The following ANO4 variants were observed in gnomAD, a reference collection of about 807,000 sequenced individuals.
ANO4 encodes the protein anoctamin 4.
A neutral mutation model predicts 141.9 loss-of-function variants in ANO4; 69 were observed. The ratio of observed to expected loss-of-function variants is 0.49; its 90% CI spans 0.40 to 0.59. The LOEUF (loss-of-function observed/expected upper bound fraction) is 0.59. Ranked by LOEUF, ANO4 falls within the 20% of genes least tolerant of loss-of-function variation. ANO4 has a pLI of 0.00. For synonymous variants in ANO4, 350 were observed against 394.3 expected (o/e 0.89, Z 1.33); for missense variants, 894 against 1,162.2 (o/e 0.77, Z 3.36).
intron 9 of ANO4, among the ~76,000 whole-genome samples, chr12:101,020,782 C>T (rs2046493318): frequency 6.6e-6 from 1 of 152,120 alleles, no homozygotes; most frequent in Non-Finnish European, 1.5e-5. Flanking sequence ...AGAATGTGTC[C>T]ATATTATATT....
At chr12:100,980,086 A>G (rs547684193) in intron 7 of ANO4, among the ~76,000 whole-genome samples, 1 of 152,194 alleles carries the variant, frequency 6.6e-6, no homozygotes, top group Admixed American at 6.5e-5. Flanking sequence ...ACAAAACACT[A>G]GTCTTTGGGC....
At chr12:101,090,555 A>T (rs2049723212) in intron 17 of ANO4, among the ~76,000 whole-genome samples, 1 of 152,152 alleles carries the variant, frequency 6.6e-6, no homozygotes, top group African/African-American at 2.4e-5. Context: ...CAATAAGAAC[A>T]CATGGACACA....
At chr12:101,081,278 G>A (rs1241334146) in intron 15 of ANO4, among the ~76,000 whole-genome samples, 1 of 152,070 alleles carries the variant, frequency 6.6e-6, no homozygotes, top group Non-Finnish European at 1.5e-5. Context: ...GAAAAGAAGT[G>A]GGACTAAATT....
chr12:100,875,095 A>G (rs997968366), intron 1 of ANO4, among the ~76,000 whole-genome samples: 4 of 152,236 alleles, frequency 2.6e-5, no homozygotes, highest in South Asian at 4.1e-4. Context: ...GTATTTTGCA[A>G]TGTGAGAAGG....
intron 5 of ANO4, among the ~76,000 whole-genome samples, chr12:100,944,235 GTTTAGC>G (rs2042623216): frequency 6.6e-6 from 1 of 152,152 alleles, no homozygotes; most frequent in Non-Finnish European, 1.5e-5. Context: ...GTACTGCAGT[GTTTAGC>G]TACCAGAATT....
chr12:101,121,729 C>G (rs574269736), intron 26 of ANO4, among the ~76,000 whole-genome samples: 1 of 150,588 alleles, frequency 6.6e-6, no homozygotes, highest in South Asian at 2.1e-4. Context: ...TCTGAAGCCT[C>G]GCCAGCATCT....
chr12:100,732,002 T>C lies in ANO4; in HGVS notation c.23-1772T>C, dbSNP rs537455757. On this transcript the variant is annotated intron_variant, in intron 1 of 29. Coordinates refer to the ANO4 transcript ENST00000644049. The stretch of plus-strand genomic sequence containing the variant: ...TTCCTCTACGGAAGGACATCTTGGT[T>C]ACTTCCAAGTTATAGCAATTATGAA... 3.3e-5 allele frequency among the ~76,000 whole-genome samples: 5 copies of C among 152,354 alleles called. 1 individual carries two copies. Among genetic ancestry groups the C allele is most frequent in the African/African-American group, 1.2e-4 (5 of 41,592 alleles).
At chr12:101,077,233 G>A (rs1345495481) in intron 14 of ANO4, among the ~76,000 whole-genome samples, 4 of 152,134 alleles carry the variant, frequency 2.6e-5, no homozygotes, top group Non-Finnish European at 5.9e-5. Flanking sequence ...CAGCTCATTG[G>A]GGAGGAATTA....
chr12:100,900,706 A>G (rs535245487), intron 1 of ANO4, among the ~76,000 whole-genome samples: 3 of 152,218 alleles, frequency 2.0e-5, no homozygotes, highest in African/African-American at 7.2e-5. Context: ...AAACTATCAC[A>G]GGGACAGAAA....
At chr12:100,937,560 G>A (rs574403415) in intron 3 of ANO4, among the ~76,000 whole-genome samples, 1 of 152,266 alleles carries the variant, frequency 6.6e-6, no homozygotes, top group East Asian at 1.9e-4. Flanking sequence ...ACCCTTGGCT[G>A]TATGAAAAGA....
intron 2 of ANO4, among the ~76,000 whole-genome samples, chr12:100,904,582 G>A (rs1402334022): frequency 6.6e-6 from 1 of 152,064 alleles, no homozygotes; most frequent in Non-Finnish European, 1.5e-5. Context: ...AGTGGGTCTG[G>A]CAATTTGAAG....
chr12:101,120,827 T>C (rs1745919156), intron 26 of ANO4, among the ~76,000 whole-genome samples: 1 of 152,218 alleles, frequency 6.6e-6, no homozygotes, highest in Non-Finnish European at 1.5e-5. Context: ...AAGTCCATAG[T>C]TGGTTTTTAA....
intron 1 of ANO4, among the ~76,000 whole-genome samples, chr12:100,857,228 T>A (rs1487349666): frequency 6.6e-6 from 1 of 152,150 alleles, no homozygotes; most frequent in Non-Finnish European, 1.5e-5. Context: ...AGCTTGAACA[T>A]ATACAGAATG....
intron 7 of ANO4, among the ~76,000 whole-genome samples, chr12:100,975,948 A>AC (rs2044169876): frequency 6.7e-6 from 1 of 148,844 alleles, no homozygotes; most frequent in Non-Finnish European, 1.5e-5. Context: ...AAAAAAAGAA[A>AC]AAAAAAACCC....
chr12:100,806,788 T>C (rs11611429), intron 1 of ANO4, among the ~76,000 whole-genome samples: 112,045 of 151,578 alleles, frequency 0.74, 41,846 homozygotes, highest in East Asian at 0.94. Flanking sequence ...CTTATCTGCC[T>C]GCCTTGGCCT....
At chr12:100,741,286 A>G (rs992818640) in intron 3 of ANO4, among the ~76,000 whole-genome samples, 1 of 152,208 alleles carries the variant, frequency 6.6e-6, no homozygotes, top group African/African-American at 2.4e-5. Flanking sequence ...ACGACACTCA[A>G]CAATTTATAG....
intron 3 of ANO4, among the ~76,000 whole-genome samples, chr12:100,769,933 A>ATT (rs140952269): frequency 2.0e-5 from 3 of 152,074 alleles, no homozygotes; most frequent in African/African-American, 7.2e-5. Context: ...CTTTCACATA[A>ATT]TTTTTTTCTT....
chr12:101,072,179 T>A (rs1326166363), intron 14 of ANO4, among the ~76,000 whole-genome samples: 1 of 152,178 alleles, frequency 6.6e-6, no homozygotes, highest in Non-Finnish European at 1.5e-5. Flanking sequence ...ATGAGTTCCT[T>A]CCATCTTGTG....
At chr12:101,075,503 A>T (rs897302949) in intron 14 of ANO4, among the ~76,000 whole-genome samples, 8 of 150,756 alleles carry the variant, frequency 5.3e-5, no homozygotes, top group Admixed American at 3.3e-4. Context: ...TTGTGGAAAG[A>T]GTTCCATGTG....
Sources: allele counts gnomAD v4.1 joint callset (sites outside exome capture counted in the v4.1 genomes callset), GRCh38; gene constraint gnomAD v4.1.1; transcripts MANE v1.5; gene names NCBI Gene and HGNC (gene_info 2026-07-23, HGNC 2026-07-21).